The following PHC2 variants were observed in gnomAD, a reference collection of about 807,000 sequenced individuals.
The protein encoded by PHC2 is polyhomeotic homolog 2, also known as polyhomeotic-like protein 2.
PHC2 carries 29 observed loss-of-function variants against 87.4 expected under a neutral mutation model. The observed-to-expected ratio is 0.33, with a 90% CI of 0.25 to 0.45. The LOEUF (loss-of-function observed/expected upper bound fraction) is 0.45, where lower values mean the gene tolerates loss of function less well. Ranked by LOEUF, PHC2 falls within the 20% of genes least tolerant of loss-of-function variation. The probability of loss-of-function intolerance (pLI) is 1.00; values close to 1 mark genes in which losing one functional copy is unlikely to be tolerated. For synonymous variants in PHC2, 438 were observed against 461.7 expected, an observed-to-expected ratio of 0.95 and a Z score of 0.66; for missense variants, 857 against 1,136.7, an observed-to-expected ratio of 0.75 and a Z score of 3.54.
At chr1:33,358,177 C>G (rs1380364655) in intron 7 of PHC2, among the ~76,000 whole-genome samples, 1 of 152,166 alleles carries the variant, frequency 6.6e-6, no homozygotes, top group Non-Finnish European at 1.5e-5. Flanking sequence ...GGAAAAGGTT[C>G]TAAATCTCTA....
At chr1:33,357,184 C>G (rs1022039254) in intron 7 of PHC2, among the ~76,000 whole-genome samples, 5 of 152,082 alleles carry the variant, frequency 3.3e-5, no homozygotes. Context: ...GCTGGAGGCC[C>G]GCAAATGGAT....
At position 33,331,333 on chromosome 1, in the gene PHC2, G is replaced by A. The variant is rs187768331; in HGVS notation, c.2006+15C>T. 2.3e-5 allele frequency: 33 copies of A among 1,410,946 alleles called. No homozygotes were observed. In the African/African-American group the frequency reaches 3.8e-4, roughly 16 times the overall value. 87.4% of individuals were successfully genotyped at this position (1,410,946 alleles called of 1,614,324 possible). A position where few individuals can be genotyped will look rare whatever the true frequency, so the allele number is the denominator to read the frequency against. ...GTGCAGTCCTGGGGAAATGGAGGGGGCTGGGGCCACTCACCTCTTTGCACA... is the reference window on the plus strand; with the variant it reads ...GTGCAGTCCTGGGGAAATGGAGGGGACTGGGGCCACTCACCTCTTTGCACA... On this transcript the variant is annotated intron_variant, in intron 12 of 14. Coordinates refer to ENST00000683057, the MANE Select transcript of PHC2 (RefSeq NM_001385109.1). The surrounding 1 kb of genome is among the most constrained non-coding windows in gnomAD (Gnocchi z 5.2).
chr1:33,404,058 C>T (rs1649654545), intron 1 of PHC2, among the ~76,000 whole-genome samples: 1 of 152,150 alleles, frequency 6.6e-6, no homozygotes, highest in Admixed American at 6.5e-5. Flanking sequence ...CAGCTCAGAC[C>T]TCTCCTCTGA....
At position 33,364,421 on chromosome 1, in the gene PHC2, C is replaced by T. The variant is rs1366186856; in HGVS notation, c.976+2695G>A. ...ACACACACACACACACACACACACA[C>T]ACACGCTCAAGCACGCTCTTCTCTC... On this transcript the variant is annotated intron_variant, in intron 7 of 14. Transcript: ENST00000683057. The surrounding 1 kb of genome is among the most constrained non-coding windows in gnomAD (Gnocchi z 4.1). Among the ~76,000 whole-genome samples the T allele has an allele frequency of 1.3e-5, 2 of 151,808 alleles. No homozygotes were observed. The highest frequency in any genetic ancestry group is 2.9e-5 in the Non-Finnish European group (2 of 67,990).
chr1:33,352,008 T>C (rs958371127), intron 9 of PHC2, among the ~76,000 whole-genome samples: 1 of 151,074 alleles, frequency 6.6e-6, no homozygotes. Flanking sequence ...TCTTGGGTGG[T>C]TGACAGTTGT....
chr1:33,327,563 G>A (rs1646398553), intron 14 of PHC2, among the ~76,000 whole-genome samples: 1 of 152,216 alleles, frequency 6.6e-6, no homozygotes, highest in South Asian at 2.1e-4. Context: ...TGACCCATAA[G>A]ATATTGTGAA....
At chr1:33,372,615 C>T (rs939365498) in intron 2 of PHC2, among the ~76,000 whole-genome samples, 168 bp from the exon 3 acceptor site, 8 of 150,330 alleles carry the variant, frequency 5.3e-5, no homozygotes, top group African/African-American at 2.0e-4. Flanking sequence ...AGTGGGAGGA[C>T]AGCTGTTCGC....
intron 1 of PHC2, among the ~76,000 whole-genome samples, chr1:33,420,198 A>G (rs1650377537): frequency 6.6e-6 from 1 of 152,236 alleles, no homozygotes; most frequent in Non-Finnish European, 1.5e-5. Flanking sequence ...ACCATGTTTC[A>G]AGGCACAATC....
At position 33,354,514 on chromosome 1, in the gene PHC2, C is replaced by G. The variant is rs759803355; in HGVS notation, c.1445G>C (p.Ser482Thr). Residue 482 changes from serine (S) to threonine (T), a missense_variant, in exon 9 of 15, where the codon AGT (serine) becomes ACT (threonine). Around this residue, in one of 3 missense-constraint regions of PHC2, gnomAD observed 832 missense variants for 1,081.8 expected, o/e 0.77. Transcript: ENST00000683057. ...DWKEVAPGEK[S>T]VPETRSGPSP... Reference sequence around the variant, plus strand: ...TGGGCCAGACCGCGTCTCAGGCACACTTTTCTCCCCTGGTGCCACTTCTTT... The same window carrying G: ...TGGGCCAGACCGCGTCTCAGGCACAGTTTTCTCCCCTGGTGCCACTTCTTT... 6.2e-7 allele frequency: 1 copy of G among 1,614,174 alleles called. No homozygotes were observed. The highest frequency in any genetic ancestry group is 8.5e-7 in the Non-Finnish European group (1 of 1,180,016).
intron 1 of PHC2, among the ~76,000 whole-genome samples, chr1:33,418,634 T>C (rs1159067314): frequency 1.3e-5 from 2 of 152,156 alleles, no homozygotes; most frequent in African/African-American, 2.4e-5. Flanking sequence ...CAGGCACAGA[T>C]GGCTTTATTG....
intron 2 of PHC2, 110 bp downstream of exon 2, chr1:33,375,256 C>T (rs769033409): frequency 8.9e-5 from 78 of 878,666 alleles, no homozygotes; most frequent in Non-Finnish European, 1.1e-4. Context: ...CCCATATGCC[C>T]GTTCTAGAGT....
At chr1:33,393,832 C>T (rs1332082066) in intron 1 of PHC2, among the ~76,000 whole-genome samples, 2 of 99,880 alleles carry the variant, frequency 2.0e-5, no homozygotes, top group African/African-American at 8.7e-5. Flanking sequence ...TTCAAAATCC[C>T]TATCCTACTG....
intron 9 of PHC2, chr1:33,347,043 A>C (rs1646858137): frequency 1.0e-6 from 1 of 985,476 alleles, no homozygotes; most frequent in Non-Finnish European, 1.2e-6. Context: ...TCCCCCTGAA[A>C]GATCAGAACC....
Position 33,367,423 on chromosome 1 carries a change from C to G in PHC2, c.669G>C (p.Gln223His), listed in dbSNP as rs191815163. 4.5e-6 allele frequency: 7 copies of G among 1,555,648 alleles called. No homozygotes were observed. The African/African-American group carries it at 9.5e-5, about 21-fold the overall frequency. Residue 223 changes from glutamine to histidine, a missense_variant, in exon 7 of 15, where the codon CAG becomes CAC. This residue lies in a region of PHC2 where 832 missense variants were observed against 1,081.8 expected (regional missense o/e 0.77). Transcript: ENST00000683057. ...TCTGCTGTGTTCGGAGGGTCAAGTT[C>G]TGTACCTGGAAAAGAGGGGTCTGTG... is the stretch of plus-strand genomic sequence containing the variant. ...PARPPTPAQV[Q>H]NLTLRTQQTP...
intron 1 of PHC2, among the ~76,000 whole-genome samples, chr1:33,381,505 T>A (rs181696464): frequency 6.6e-6 from 1 of 152,238 alleles, no homozygotes; most frequent in East Asian, 1.9e-4. Flanking sequence ...AGCACTATCA[T>A]AGATACTATG....
In PHC2 at chr1:33,365,723, G is replaced by A. The variant is rs151072790; in HGVS notation, c.976+1393C>T. Reference sequence around the variant, plus strand: ...GGGGAGGTGCCTTTCTTGGCTCAGCGGTGACCACTGGAATGCAGCGACTGA... The same window carrying A: ...GGGGAGGTGCCTTTCTTGGCTCAGCAGTGACCACTGGAATGCAGCGACTGA... On this transcript the variant is annotated intron_variant, in intron 7 of 14. Coordinates refer to ENST00000683057, the MANE Select transcript of PHC2 (RefSeq NM_001385109.1). 1.9e-4 allele frequency among the ~76,000 whole-genome samples: 29 copies of A among 152,360 alleles called. No homozygotes were observed. The East Asian group carries it at 2.7e-3, about 14-fold the overall frequency.
At chr1:33,389,855 C>T (rs1648962486) in intron 1 of PHC2, among the ~76,000 whole-genome samples, 1 of 152,214 alleles carries the variant, frequency 6.6e-6, no homozygotes, top group South Asian at 2.1e-4. Context: ...CTAACCTGTT[C>T]CCTATTTGCA....
intron 7 of PHC2, among the ~76,000 whole-genome samples, chr1:33,356,679 C>T (rs1005532729): frequency 3.6e-4 from 53 of 146,288 alleles, no homozygotes; most frequent in African/African-American, 1.2e-3. Flanking sequence ...TGGAGTCTCC[C>T]ATGTCTACTT....
chr1:33,353,234 T>C (rs1184732857), intron 9 of PHC2: 1 of 152,198 alleles, frequency 6.6e-6, no homozygotes, highest in Non-Finnish European at 1.5e-5. Context: ...GATTTTCTCT[T>C]TTTTAATGGG....
Sources: gnomAD v4.1 joint callset for allele counts (sites outside exome capture counted in the v4.1 genomes callset) on GRCh38, gnomAD v4.1.1 for gene constraint, gnomAD v4.1.1 regional missense constraint, Gnocchi (gnomAD v3.1) non-coding constraint, MANE v1.5 for transcripts, NCBI Gene and HGNC (gene_info 2026-07-23, HGNC 2026-07-21) for gene names.